Variants in PRKCE observed in about 807,000 individuals in gnomAD.
PRKCE encodes the protein protein kinase C epsilon type.
A neutral mutation model predicts 85.4 loss-of-function variants in PRKCE; 16 were observed. The ratio of observed to expected loss-of-function variants is 0.19; its 90% confidence interval spans 0.13 to 0.28. The LOEUF is 0.28. Ranked by LOEUF, PRKCE falls within the 10% of genes least tolerant of loss-of-function variation. The probability of loss-of-function intolerance (pLI) is 1.00; values close to 1 mark genes in which losing one functional copy is unlikely to be tolerated. For synonymous variants in PRKCE, 388 were observed against 371.5 expected (o/e 1.04, Z -0.51); for missense variants, 573 against 975.2 (o/e 0.59, Z 5.49).
At chr2:45,917,541 A>G (rs910592926) in intron 2 of PRKCE, among the ~76,000 whole-genome samples, 26 of 152,342 alleles carry the variant, frequency 1.7e-4, no homozygotes, top group Middle Eastern at 3.4e-3. Flanking sequence ...TGGTGTATTT[A>G]CAATTCCTGA....
At chr2:45,812,409 G>C (rs1434908221) in intron 1 of PRKCE, among the ~76,000 whole-genome samples, 1 of 152,192 alleles carries the variant, frequency 6.6e-6, no homozygotes, top group African/African-American at 2.4e-5. Context: ...AGTACTTACG[G>C]AGCATTGGTG....
At chr2:45,835,813 T>C (rs1302693761) in intron 1 of PRKCE, among the ~76,000 whole-genome samples, 1 of 152,188 alleles carries the variant, frequency 6.6e-6, no homozygotes. Context: ...CAGGCTGGTC[T>C]TGAACTCCTG....
chr2:45,982,557 T>A (rs1322789647), intron 5 of PRKCE, among the ~76,000 whole-genome samples: 1 of 152,184 alleles, frequency 6.6e-6, no homozygotes, highest in Admixed American at 6.5e-5. Flanking sequence ...CATTTTTTTT[T>A]CTTTAATCTC....
intron 10 of PRKCE, among the ~76,000 whole-genome samples, chr2:46,013,554 T>C (rs1705866254): frequency 6.6e-6 from 1 of 152,186 alleles, no homozygotes; most frequent in Admixed American, 6.5e-5. Flanking sequence ...AGCCACAGAA[T>C]TCAGTCTTGA....
chr2:45,999,384 C>G (rs1704482858), intron 6 of PRKCE, among the ~76,000 whole-genome samples: 1 of 152,022 alleles, frequency 6.6e-6, no homozygotes, highest in Non-Finnish European at 1.5e-5. Context: ...GTTTTTATCT[C>G]AACATTTTGA....
At chr2:46,037,380 T>A (rs1707933566) in intron 10 of PRKCE, among the ~76,000 whole-genome samples, 2 of 152,210 alleles carry the variant, frequency 1.3e-5, no homozygotes, top group Admixed American at 6.5e-5. Flanking sequence ...CCTTCTTCCA[T>A]CAGTCATTAG....
Position 46,096,106 on chromosome 2 carries a change from G to A in PRKCE, c.1592+9744G>A, listed in dbSNP as rs555138437. 8.0e-4 allele frequency among the ~76,000 whole-genome samples: 122 copies of A among 152,306 alleles called. 3 individuals are homozygous for A. In the South Asian group the frequency reaches 0.023, roughly 28 times the overall value. On this transcript the variant is annotated intron_variant, in intron 11 of 14. Transcript: ENST00000306156. ...ACATGGGAAGCAACATTGTATGTTG[G>A]AGACAGCACAGAGTTTGAGGTCAGA...
chr2:45,832,394 C>A (rs1055430148), intron 1 of PRKCE, among the ~76,000 whole-genome samples: 2 of 149,730 alleles, frequency 1.3e-5, no homozygotes, highest in African/African-American at 2.5e-5. Context: ...CTCACTGCAA[C>A]CTCCGGCTCT....
rs972692790 is a variant in PRKCE at position 46,049,680 on chromosome 2, C to T, written c.1438-36528C>T. 2.0e-5 allele frequency among the ~76,000 whole-genome samples: 3 copies of T among 152,188 alleles called. No individual in the cohort carries two copies. The South Asian group carries it at 6.2e-4, about 32-fold the overall frequency. ...GAATTCATGAAGGTCACCAGAGGGG[C>T]TTCCCTCTGCTTTCCACTCTGCATT... On this transcript the variant is annotated intron_variant, in intron 10 of 14. Coordinates refer to ENST00000306156, the MANE Select transcript of PRKCE (RefSeq NM_005400.3).
At chr2:45,775,224 T>C (rs933690768) in intron 1 of PRKCE, among the ~76,000 whole-genome samples, 6 of 152,196 alleles carry the variant, frequency 3.9e-5, no homozygotes, top group Admixed American at 3.3e-4. Context: ...TTTCCTGTGG[T>C]CATTTGGTTA....
chr2:45,976,143 G>A (rs1456756205), intron 2 of PRKCE, among the ~76,000 whole-genome samples: 1 of 152,202 alleles, frequency 6.6e-6, no homozygotes, highest in Non-Finnish European at 1.5e-5. Context: ...TGTAGCCTGT[G>A]TGGGGAGGAA....
intron 1 of PRKCE, among the ~76,000 whole-genome samples, chr2:45,833,862 C>G (rs1215111508): frequency 6.6e-6 from 1 of 152,174 alleles, no homozygotes; most frequent in Non-Finnish European, 1.5e-5. Context: ...TAGTGCTCAC[C>G]TACCTCTTCT....
At chr2:45,930,196 T>C (rs750971071) in intron 2 of PRKCE, among the ~76,000 whole-genome samples, 6 of 152,194 alleles carry the variant, frequency 3.9e-5, no homozygotes, top group Non-Finnish European at 8.8e-5. Context: ...ATTCTAAAGA[T>C]AGCAGAAGAA....
At chr2:45,998,463 T>C (rs754731611) in intron 6 of PRKCE, among the ~76,000 whole-genome samples, 67 of 152,226 alleles carry the variant, frequency 4.4e-4, no homozygotes, top group Non-Finnish European at 7.8e-4. Flanking sequence ...CTGAAATTAA[T>C]TTAGCTTTTC....
At chr2:46,172,209 G>A (rs1302890429) in intron 14 of PRKCE, among the ~76,000 whole-genome samples, 3 of 152,188 alleles carry the variant, frequency 2.0e-5, no homozygotes, top group Admixed American at 2.0e-4. Context: ...GGCCCTGCTA[G>A]TGTCAGAAGC....
chr2:46,069,722 A>T (rs1187796299), intron 10 of PRKCE, among the ~76,000 whole-genome samples: 1 of 152,242 alleles, frequency 6.6e-6, no homozygotes, highest in African/African-American at 2.4e-5. Flanking sequence ...AAGTCTTGGT[A>T]AAAAGATTTT....
intron 2 of PRKCE, among the ~76,000 whole-genome samples, chr2:45,928,516 C>T (rs907553926): frequency 1.4e-4 from 22 of 152,160 alleles, no homozygotes; most frequent in African/African-American, 4.6e-4. Flanking sequence ...CAATTCTGCC[C>T]GCCTCGGCTT....
intron 1 of PRKCE, among the ~76,000 whole-genome samples, chr2:45,673,667 C>T (rs1676282655): frequency 6.6e-6 from 1 of 152,074 alleles, no homozygotes; most frequent in Non-Finnish European, 1.5e-5. Context: ...ACTAGGATCC[C>T]AAGTGTTGTT....
At chr2:45,878,961 G>C (rs1694679117) in intron 2 of PRKCE, among the ~76,000 whole-genome samples, 1 of 152,120 alleles carries the variant, frequency 6.6e-6, no homozygotes. Context: ...AATTATGATA[G>C]GGACAGGACG....
Sources: allele counts gnomAD v4.1 joint callset (sites outside exome capture counted in the v4.1 genomes callset), GRCh38; gene constraint gnomAD v4.1.1; transcripts MANE v1.5; gene names NCBI Gene and HGNC (gene_info 2026-07-23, HGNC 2026-07-21).